Variants in GRIA3 observed in about 807,000 individuals in gnomAD.
GRIA3 encodes the protein glutamate ionotropic receptor AMPA type subunit 3, also known as glutamate receptor 3.
GRIA3 carries 3 observed loss-of-function variants against 63.0 expected under a neutral mutation model. That is an observed-to-expected ratio of 0.05 (90% CI 0.02 to 0.12). The LOEUF (loss-of-function observed/expected upper bound fraction) is 0.12, where lower values mean the gene tolerates loss of function less well. Ranked by LOEUF, GRIA3 falls within the 10% of genes least tolerant of loss-of-function variation. The pLI, the probability that GRIA3 is intolerant of heterozygous loss-of-function variation, is 1.00. For missense variants in GRIA3, 347 were observed against 700.9 expected, an observed-to-expected ratio of 0.50 and a Z score of 5.70; for synonymous variants, 274 against 257.9, an observed-to-expected ratio of 1.06 and a Z score of -0.60.
intron 3 of GRIA3, among the ~76,000 whole-genome samples, chrX:123,271,640 AC>A (rs1017762757): frequency 9.0e-6 from 1 of 111,622 alleles, no homozygotes; most frequent in African/African-American, 3.3e-5. Context: ...ACTAACATCC[AC>A]CCTTGACGAG....
chrX:123,284,448 C>T (rs1463508949), intron 3 of GRIA3, among the ~76,000 whole-genome samples: 10 of 110,955 alleles, frequency 9.0e-5, no homozygotes, highest in Non-Finnish European at 1.9e-4. Context: ...ATAGCAACCT[C>T]CTCCGAGCTA....
chrX:123,224,269 T>C (rs1268448745), intron 2 of GRIA3, among the ~76,000 whole-genome samples: 1 of 111,897 alleles, frequency 8.9e-6, no homozygotes, highest in Non-Finnish European at 1.9e-5. Context: ...TTTTCTCACT[T>C]TTGCAAAAGC....
intron 4 of GRIA3, among the ~76,000 whole-genome samples, chrX:123,351,595 T>C (rs940983658): frequency 3.6e-5 from 4 of 111,840 alleles, no homozygotes; most frequent in Non-Finnish European, 5.6e-5. Flanking sequence ...ACTAGTATGA[T>C]GTTGTCTCGT....
At chrX:123,402,242 TCCC>T (rs2045447037) in intron 7 of GRIA3, among the ~76,000 whole-genome samples, 1 of 111,102 alleles carries the variant, frequency 9.0e-6, no homozygotes, top group East Asian at 2.8e-4. Context: ...GGAAAGCTCA[TCCC>T]TGTCACTGTA....
intron 2 of GRIA3, among the ~76,000 whole-genome samples, chrX:123,201,047 C>A (rs1927727102): frequency 2.7e-5 from 3 of 111,624 alleles, no homozygotes; most frequent in Admixed American, 1.9e-4. Context: ...ATATTAGTAT[C>A]CACTGTGGTA....
intron 12 of GRIA3, among the ~76,000 whole-genome samples, chrX:123,456,563 C>A (rs988027753): frequency 1.8e-5 from 2 of 110,484 alleles, no homozygotes; most frequent in African/African-American, 6.6e-5. Context: ...ATGGGCCCAC[C>A]CCAGCCACAC....
intron 12 of GRIA3, among the ~76,000 whole-genome samples, chrX:123,460,599 A>G (rs746455920): frequency 2.7e-5 from 3 of 112,068 alleles, no homozygotes; most frequent in African/African-American, 9.7e-5. Context: ...TAAATTCAGT[A>G]TCGTGGTTAC....
chrX:123,387,287 T>C (rs1269644238), intron 5 of GRIA3, among the ~76,000 whole-genome samples: 1 of 111,550 alleles, frequency 9.0e-6, no homozygotes, highest in Non-Finnish European at 1.9e-5. Flanking sequence ...GTACGTTGAT[T>C]TTATATCCTG....
chrX:123,343,762 A>ATTT (rs544918906), intron 4 of GRIA3, among the ~76,000 whole-genome samples: 1 of 97,940 alleles, frequency 1.0e-5, no homozygotes, highest in Non-Finnish European at 2.1e-5. Flanking sequence ...ATGCCCGGCA[A>ATTT]TTTTTTTTTT....
At position 123,226,795 on chromosome X, in the gene GRIA3, C is replaced by T. The variant is rs188294018; in HGVS notation, c.269-26508C>T. Among the ~76,000 whole-genome samples, 132 of 111,593 alleles carry T rather than the reference C, an allele frequency of 1.2e-3. No individual in the cohort carries two copies. The South Asian group carries it at 0.024, about 20-fold the overall frequency. On this transcript the variant is annotated intron_variant, in intron 2 of 15. Transcript: ENST00000620443. ...GATTTCAAAAGAACAATACAATATG[C>T]AAATAGTCATTCTTGTATGCAGTTC...
intron 5 of GRIA3, among the ~76,000 whole-genome samples, chrX:123,382,720 GAGT>G (rs1354763505): frequency 2.7e-5 from 3 of 111,871 alleles, no homozygotes; most frequent in African/African-American, 9.8e-5. Context: ...TTCAAGAAAA[GAGT>G]GGTACAGTAG....
At chrX:123,431,222 G>A (rs2045616784) in intron 12 of GRIA3, among the ~76,000 whole-genome samples, 1 of 112,512 alleles carries the variant, frequency 8.9e-6, no homozygotes, top group Admixed American at 9.4e-5. Context: ...CAGCCCTCTA[G>A]TCCTTCCACT....
chrX:123,305,571 C>A (rs1270712907), intron 3 of GRIA3, among the ~76,000 whole-genome samples: 2 of 111,981 alleles, frequency 1.8e-5, no homozygotes, highest in Non-Finnish European at 3.8e-5. Context: ...ATACTGCTTT[C>A]GAGTTTGGCC....
chrX:123,440,145 C>T (rs1206706521), intron 12 of GRIA3, among the ~76,000 whole-genome samples: 3 of 112,378 alleles, frequency 2.7e-5, no homozygotes, highest in Non-Finnish European at 5.6e-5. Flanking sequence ...TTTATGGCTG[C>T]ATAGTATTCC....
intron 4 of GRIA3, among the ~76,000 whole-genome samples, chrX:123,353,020 T>C (rs376907564): frequency 2.6e-3 from 224 of 87,450 alleles, no homozygotes; most frequent in Middle Eastern, 5.7e-3. Flanking sequence ...CTCTCTCTCA[T>C]ACACACACAC....
chrX:123,396,479 C>G (rs2045414615), intron 6 of GRIA3, among the ~76,000 whole-genome samples: 1 of 110,489 alleles, frequency 9.1e-6, no homozygotes, highest in East Asian at 2.8e-4. Flanking sequence ...CCAGATTTTT[C>G]CAAGATAGTC....
At chrX:123,287,378 C>A (rs1270062662) in intron 3 of GRIA3, among the ~76,000 whole-genome samples, 1 of 111,885 alleles carries the variant, frequency 8.9e-6, no homozygotes, top group Non-Finnish European at 1.9e-5. Context: ...CATCTCTCAC[C>A]ATTCCTATTC....
At chrX:123,310,718 C>G (rs2044784763) in intron 3 of GRIA3, among the ~76,000 whole-genome samples, 1 of 112,360 alleles carries the variant, frequency 8.9e-6, no homozygotes, top group Non-Finnish European at 1.9e-5. Context: ...AAATAGAATT[C>G]TCAACCAGGC....
chrX:123,269,137 C>G (rs975495734), intron 3 of GRIA3, among the ~76,000 whole-genome samples: 5 of 111,817 alleles, frequency 4.5e-5, no homozygotes, highest in African/African-American at 9.8e-5. Context: ...CTTCTCACAT[C>G]GATTAGCAAG....
Sources: allele counts gnomAD v4.1 joint callset (sites outside exome capture counted in the v4.1 genomes callset), GRCh38; gene constraint gnomAD v4.1.1; transcripts MANE v1.5; gene names NCBI Gene and HGNC (gene_info 2026-07-23, HGNC 2026-07-21).